USP42: variants seen among roughly 807,000 people sequenced by gnomAD.
USP42 encodes the protein ubiquitin carboxyl-terminal hydrolase 42.
USP42 carries 23 observed loss-of-function variants against 113.0 expected under a neutral mutation model. The ratio of observed to expected loss-of-function variants is 0.20; its 90% confidence interval spans 0.15 to 0.29. The LOEUF (loss-of-function observed/expected upper bound fraction) is 0.29. USP42 is among the 10% of genes least tolerant of loss of function. The probability of loss-of-function intolerance (pLI) is 1.00; values close to 1 mark genes in which losing one functional copy is unlikely to be tolerated. For synonymous variants in USP42, 933 were observed against 699.0 expected (o/e 1.33, Z -5.28); for missense variants, 2,174 against 1,779.8 (o/e 1.22, Z -3.99).
chr7:6,132,871 A>T (rs1780927765), intron 3 of USP42, among the ~76,000 whole-genome samples: 1 of 152,096 alleles, frequency 6.6e-6, no homozygotes, highest in Non-Finnish European at 1.5e-5. Flanking sequence ...ACGGGGTTTC[A>T]CCGTGTTAGC....
At chr7:6,083,694 G>GC in the USP42 span, among the ~76,000 whole-genome samples, 1 of 150,344 alleles carries the variant, frequency 6.7e-6, no homozygotes, top group African/African-American at 2.5e-5. Context: ...ACACACACAT[G>GC]CCCCCACAGG....
At chr7:6,081,793 C>T in the USP42 span, 1 of 152,316 alleles carries the variant, frequency 6.6e-6, no homozygotes, top group Non-Finnish European at 1.5e-5. Context: ...CACGAGGAAA[C>T]CTAAAGTCTG....
Position 6,160,563 on chromosome 7 carries a change from C to A in USP42, c.*45C>A, listed in dbSNP as rs768755241. The A allele has an allele frequency of 1.5e-4, 23 of 152,664 alleles. No individual in the cohort carries two copies. The highest frequency in any genetic ancestry group is 3.4e-4 in the African/African-American group (14 of 41,450). 9.5% of individuals were successfully genotyped at this position (152,664 alleles called of 1,614,324 possible). Reference sequence around the variant, plus strand: ...CGCCTCTTGTCTTTCAGATTCAACGCGTTCAACAGAAGCCATCCCCAGCCC... The same window carrying A: ...CGCCTCTTGTCTTTCAGATTCAACGAGTTCAACAGAAGCCATCCCCAGCCC... On this transcript the variant is annotated 3_prime_UTR_variant, in exon 18 of 18. Transcript: ENST00000306177.
chr7:6,082,603 G>GTTTTTTTTTTTTTTTTTTTTTTTTTTT, the USP42 span, among the ~76,000 whole-genome samples: 2 of 90,196 alleles, frequency 2.2e-5, no homozygotes, highest in Non-Finnish European at 3.9e-5. Flanking sequence ...CTTTCTTTCT[G>GTTTTTTTTTTTTTTTTTTTTTTTTTTT]TTTTTTTTTT....
intron 1 of USP42, among the ~76,000 whole-genome samples, 169 bp downstream of exon 1, chr7:6,105,201 C>T (rs1319822060): frequency 1.4e-5 from 2 of 145,418 alleles, no homozygotes; most frequent in Non-Finnish European, 3.1e-5. Context: ...CCGCCCGGGA[C>T]CCCGCCGCTC....
chr7:6,110,517 C>T (rs1009116031), intron 1 of USP42, among the ~76,000 whole-genome samples: 1 of 151,970 alleles, frequency 6.6e-6, no homozygotes, highest in East Asian at 1.9e-4. Flanking sequence ...TAATGGCTTA[C>T]GGGTTTTATT....
the USP42 span, among the ~76,000 whole-genome samples, chr7:6,085,504 A>C: frequency 6.6e-6 from 1 of 150,492 alleles, no homozygotes; most frequent in Non-Finnish European, 1.5e-5. Context: ...ATAATTAGTG[A>C]GTTAACATGT....
chr7:6,104,649 G>A (rs1208586089), upstream of USP42, among the ~76,000 whole-genome samples: 2 of 152,184 alleles, frequency 1.3e-5, no homozygotes, highest in Admixed American at 6.5e-5. Context: ...CAGGGCGGAA[G>A]GAGCCCTTTC....
chr7:6,124,022 T>C (rs1212788399), intron 3 of USP42, among the ~76,000 whole-genome samples: 1 of 152,040 alleles, frequency 6.6e-6, no homozygotes, highest in Non-Finnish European at 1.5e-5. Flanking sequence ...ATTACAGACA[T>C]GCGCCGCCGT....
rs7784072 is a variant in USP42, at chr7:6,154,635, G to T, written c.3081G>T (p.Gly1027=). Reference sequence around the variant, plus strand: ...ACCACCACTCCCGACACCGGAGCGGGGTGGAGCTGGACTGGGTCAGACACC... The same window carrying T: ...ACCACCACTCCCGACACCGGAGCGGTGTGGAGCTGGACTGGGTCAGACACC... ...CSHHHSRHRS[G]VELDWVRHHY... Residue 1027 remains glycine (G), a synonymous_variant, in exon 15 of 18, where the codon GGG becomes GGT. Coordinates refer to ENST00000306177, the MANE Select transcript of USP42 (RefSeq NM_032172.3). The T allele has an allele frequency of 1.2e-6, 2 of 1,603,190 alleles. No individual in the cohort carries two copies. Among genetic ancestry groups the T allele is most frequent in the African/African-American group, 1.3e-5 (1 of 74,726 alleles).
the USP42 span, among the ~76,000 whole-genome samples, chr7:6,089,558 A>C: frequency 7.1e-6 from 1 of 140,252 alleles, no homozygotes; most frequent in Non-Finnish European, 1.5e-5. Context: ...TTTGAGATGG[A>C]GTCTCACCCT....
chr7:6,112,372 C>G (rs1186896785), intron 2 of USP42, among the ~76,000 whole-genome samples: 1 of 152,028 alleles, frequency 6.6e-6, no homozygotes, highest in African/African-American at 2.4e-5. Flanking sequence ...TCGCATGAAC[C>G]TGGGAGGCAG....
At chr7:6,147,981 T>A (rs781458394) in intron 12 of USP42, 89 bp downstream of exon 12, 2 of 1,298,342 alleles carry the variant, frequency 1.5e-6, no homozygotes, top group Non-Finnish European at 2.1e-6. Flanking sequence ...GGTTGCTGTG[T>A]CCTCAAATAC....
At chr7:6,128,686 T>G (rs1780674402) in intron 3 of USP42, among the ~76,000 whole-genome samples, 2 of 152,194 alleles carry the variant, frequency 1.3e-5, no homozygotes, top group South Asian at 4.1e-4. Flanking sequence ...TTAAGGCTTA[T>G]TCTGCCATTT....
chr7:6,105,307 G>T (rs2128471739), intron 1 of USP42, among the ~76,000 whole-genome samples: 1 of 147,420 alleles, frequency 6.8e-6, no homozygotes, highest in African/African-American at 2.4e-5. Flanking sequence ...GCTGCGCGGC[G>T]AGGCCGGGCC....
At chr7:6,087,921 T>C in the USP42 span, among the ~76,000 whole-genome samples, 21 of 151,378 alleles carry the variant, frequency 1.4e-4, no homozygotes, top group East Asian at 3.9e-3. Context: ...GTAGTCGTGT[T>C]GCAAACAGTA....
intron 3 of USP42, among the ~76,000 whole-genome samples, chr7:6,133,359 T>C (rs1269069720): frequency 6.6e-6 from 1 of 152,220 alleles, no homozygotes; most frequent in Non-Finnish European, 1.5e-5. Flanking sequence ...CATAGCTTAC[T>C]GGTATGCTGT....
chr7:6,138,485 C>G (rs992780383), intron 4 of USP42, among the ~76,000 whole-genome samples: 3 of 152,162 alleles, frequency 2.0e-5, no homozygotes, highest in African/African-American at 7.2e-5. Context: ...CCAGTTTATT[C>G]AAGTGTAACT....
chr7:6,143,979 G>C (rs1781570206), intron 8 of USP42, 106 bp from the exon 9 acceptor site: 3 of 646,116 alleles, frequency 4.6e-6, no homozygotes, highest in Non-Finnish European at 7.3e-6. Flanking sequence ...GTCCTTTTTG[G>C]AACCTTAATA....
Sources: allele counts gnomAD v4.1 joint callset (sites outside exome capture counted in the v4.1 genomes callset), GRCh38; gene constraint gnomAD v4.1.1; transcripts MANE v1.5; gene names NCBI Gene and HGNC (gene_info 2026-07-23, HGNC 2026-07-21).